The following NRXN3 variants were observed in gnomAD, a reference collection of about 807,000 sequenced individuals.
NRXN3 encodes the protein neurexin 3.
A neutral mutation model predicts 137.6 loss-of-function variants in NRXN3; 32 were observed. The observed-to-expected ratio is 0.23, with a 90% CI of 0.18 to 0.31. The LOEUF is 0.31. Among genes scored for constraint, NRXN3 ranks in the 10% least tolerant of loss-of-function variants. The pLI is 1.00. For synonymous variants in NRXN3, 798 were observed against 784.5 expected (o/e 1.02, Z -0.29); for missense variants, 1,574 against 2,062.5 (o/e 0.76, Z 4.59).
chr14:79,377,718 C>T (rs577617153), intron 15 of NRXN3, among the ~76,000 whole-genome samples: 4 of 152,098 alleles, frequency 2.6e-5, no homozygotes, highest in South Asian at 2.1e-4. Flanking sequence ...ATAGTGCCAC[C>T]GCACTCCAGC....
At chr14:78,465,442 A>G (rs2095069972) in intron 4 of NRXN3, among the ~76,000 whole-genome samples, 1 of 152,248 alleles carries the variant, frequency 6.6e-6, no homozygotes, top group African/African-American at 2.4e-5. Context: ...GATCTATAAT[A>G]TTATCCCAGT....
At chr14:78,356,778 A>G (rs1157879728) in intron 4 of NRXN3, among the ~76,000 whole-genome samples, 1 of 152,254 alleles carries the variant, frequency 6.6e-6, no homozygotes, top group Non-Finnish European at 1.5e-5. Context: ...TAATTGTCAC[A>G]AATTCATTGT....
chr14:79,760,006 G>A (rs770764225), intron 19 of NRXN3, among the ~76,000 whole-genome samples: 5 of 151,658 alleles, frequency 3.3e-5, no homozygotes, highest in Non-Finnish European at 5.9e-5. Flanking sequence ...ACTCAGGCAA[G>A]ATGATTCCTG....
intron 15 of NRXN3, among the ~76,000 whole-genome samples, chr14:79,217,181 G>A (rs867083982): frequency 6.6e-6 from 1 of 150,550 alleles, no homozygotes; most frequent in Middle Eastern, 3.4e-3. Context: ...AGGTTTAATA[G>A]CCAAAGTTCT....
At chr14:79,711,043 G>T (rs946651247) in intron 19 of NRXN3, among the ~76,000 whole-genome samples, 2 of 152,146 alleles carry the variant, frequency 1.3e-5, no homozygotes, top group Non-Finnish European at 2.9e-5. Context: ...CAAGAATAGG[G>T]TCTTTAATTT....
rs903169091 is a variant in NRXN3, at chr14:78,943,367, G to T, written c.2276-13875G>T. On this transcript the variant is annotated intron_variant, in intron 10 of 20. Coordinates refer to ENST00000335750, the MANE Select transcript of NRXN3 (RefSeq NM_001330195.2). The stretch of plus-strand genomic sequence containing the variant: ...CAGAGAAAATAACTAGCTGCCAAAA[G>T]GTTGGTGGGGAGGGCTTGGAGGGCA... Among the ~76,000 whole-genome samples, 17 of 151,818 alleles carry T rather than the reference G, an allele frequency of 1.1e-4. No homozygotes were observed. The South Asian group carries it at 2.9e-3, about 26-fold the overall frequency.
At chr14:79,498,025 T>C (rs1173483591) in intron 16 of NRXN3, among the ~76,000 whole-genome samples, 1 of 151,962 alleles carries the variant, frequency 6.6e-6, no homozygotes, top group Non-Finnish European at 1.5e-5. Flanking sequence ...CAGAGCGAGA[T>C]TCTGTCTCAG....
At chr14:78,332,380 A>G (rs1336546969) in intron 4 of NRXN3, among the ~76,000 whole-genome samples, 2 of 144,580 alleles carry the variant, frequency 1.4e-5, no homozygotes, top group African/African-American at 5.2e-5. Context: ...CAGTGGCATG[A>G]TCTCAGCTCA....
chr14:79,131,779 T>G (rs547670122), intron 15 of NRXN3, among the ~76,000 whole-genome samples: 233 of 152,244 alleles, frequency 1.5e-3, no homozygotes, highest in Admixed American at 6.0e-3. Context: ...CCCCCAGCCT[T>G]GCTGCCACCT....
At chr14:79,096,661 G>A (rs1321425985) in intron 15 of NRXN3, among the ~76,000 whole-genome samples, 2 of 151,516 alleles carry the variant, frequency 1.3e-5, no homozygotes, top group African/African-American at 4.8e-5. Context: ...GCTCTCACCA[G>A]CATTCTCTGT....
intron 10 of NRXN3, among the ~76,000 whole-genome samples, chr14:78,881,337 G>A (rs751477796): frequency 5.3e-5 from 8 of 151,700 alleles, no homozygotes; most frequent in Non-Finnish European, 8.8e-5. Context: ...GGATGGAACA[G>A]TTTGGAGGGC....
intron 15 of NRXN3, among the ~76,000 whole-genome samples, chr14:79,190,070 C>T (rs1440981274): frequency 6.6e-6 from 1 of 152,278 alleles, no homozygotes; most frequent in South Asian, 2.1e-4. Flanking sequence ...AAGAATGTTT[C>T]ATCTACTCAT....
intron 10 of NRXN3, among the ~76,000 whole-genome samples, chr14:78,863,230 T>C (rs1359724171): frequency 6.6e-6 from 1 of 152,134 alleles, no homozygotes. Flanking sequence ...CCAATTCTTA[T>C]ATGCATGACA....
Position 79,592,545 on chromosome 14 carries a change from A to G in NRXN3, c.3445-71233A>G, listed in dbSNP as rs1057319466. Among the ~76,000 whole-genome samples, 3 of 151,992 alleles carry G rather than the reference A, an allele frequency of 2.0e-5. No individual in the cohort carries two copies. The East Asian group carries it at 5.8e-4, about 29-fold the overall frequency. On this transcript the variant is annotated intron_variant, in intron 16 of 20. Coordinates refer to ENST00000335750, the MANE Select transcript of NRXN3 (RefSeq NM_001330195.2). ...TTTTTCTTTGTAATGTTATATGTTAATGGTCAGCCTCCTAGATACTGATGA... is the reference window on the plus strand; with the variant it reads ...TTTTTCTTTGTAATGTTATATGTTAGTGGTCAGCCTCCTAGATACTGATGA...
chr14:78,629,858 A>G (rs910247662), intron 4 of NRXN3, among the ~76,000 whole-genome samples: 2 of 152,238 alleles, frequency 1.3e-5, no homozygotes, highest in African/African-American at 2.4e-5. Context: ...TACCATAACA[A>G]TGAATACATT....
At chr14:78,692,270 C>T (rs182773132) in intron 6 of NRXN3, among the ~76,000 whole-genome samples, 72 of 152,188 alleles carry the variant, frequency 4.7e-4, no homozygotes, top group African/African-American at 1.7e-3. Flanking sequence ...ATTTGATTTC[C>T]AGTAATAGGA....
At chr14:78,915,156 G>T (rs1358580901) in intron 10 of NRXN3, among the ~76,000 whole-genome samples, 1 of 151,906 alleles carries the variant, frequency 6.6e-6, no homozygotes, top group East Asian at 1.9e-4. Flanking sequence ...ATTGTCAGTG[G>T]TATGTGCGTG....
intron 15 of NRXN3, among the ~76,000 whole-genome samples, chr14:79,126,931 G>A (rs61992507): frequency 2.0e-5 from 3 of 152,284 alleles, no homozygotes; most frequent in East Asian, 1.9e-4. Context: ...GCCAGTGATG[G>A]TGAGCATTTT....
intron 4 of NRXN3, among the ~76,000 whole-genome samples, chr14:78,314,388 T>C (rs992781599): frequency 3.9e-5 from 6 of 152,126 alleles, no homozygotes; most frequent in Non-Finnish European, 8.8e-5. Flanking sequence ...GCGGTGCAGA[T>C]TGGTGGGTGG....
Sources: gnomAD v4.1 joint callset for allele counts (sites outside exome capture counted in the v4.1 genomes callset) on GRCh38, gnomAD v4.1.1 for gene constraint, MANE v1.5 for transcripts, NCBI Gene and HGNC (gene_info 2026-07-23, HGNC 2026-07-21) for gene names.